The following BICD1 variants were observed in gnomAD, a reference collection of about 807,000 sequenced individuals.
BICD1 encodes the protein protein bicaudal D homolog 1.
BICD1 carries 35 observed loss-of-function variants against 92.5 expected under a neutral mutation model. The ratio of observed to expected loss-of-function variants is 0.38; its 90% CI spans 0.29 to 0.50. The LOEUF (loss-of-function observed/expected upper bound fraction) is 0.50. Ranked by LOEUF, BICD1 falls within the 20% of genes least tolerant of loss-of-function variation. BICD1 has a pLI of 0.93. For synonymous variants in BICD1, 429 were observed against 465.1 expected (o/e 0.92, Z 1.00); for missense variants, 950 against 1,189.8 (o/e 0.80, Z 2.97).
chr12:32,350,083 T>G (rs763276241), intron 8 of BICD1, among the ~76,000 whole-genome samples: 1 of 151,980 alleles, frequency 6.6e-6, no homozygotes, highest in Non-Finnish European at 1.5e-5. Flanking sequence ...TCTAAGGGAG[T>G]TGGGCAGGGG....
At chr12:32,128,572 A>C (rs1385384855) in intron 1 of BICD1, among the ~76,000 whole-genome samples, 1 of 151,480 alleles carries the variant, frequency 6.6e-6, no homozygotes, top group Admixed American at 6.6e-5. Flanking sequence ...ACATTATTTC[A>C]TTTTTAGTAT....
chr12:32,342,166 G>GTA (rs1423103796), intron 8 of BICD1, among the ~76,000 whole-genome samples: 11 of 123,954 alleles, frequency 8.9e-5, no homozygotes, highest in South Asian at 7.9e-4. Context: ...GTATATATAT[G>GTA]TATATATATA....
chr12:32,119,607 C>T (rs1488165962), intron 1 of BICD1, among the ~76,000 whole-genome samples: 2 of 152,204 alleles, frequency 1.3e-5, no homozygotes, highest in Non-Finnish European at 2.9e-5. Flanking sequence ...TGCAGTGGCT[C>T]ATGCCTGTAA....
chr12:32,233,154 G>A (rs935637765), intron 2 of BICD1, among the ~76,000 whole-genome samples: 9 of 151,720 alleles, frequency 5.9e-5, no homozygotes, highest in African/African-American at 1.5e-4. Context: ...AAACCCCATC[G>A]CTACTAAAAA....
chr12:32,282,324 G>C (rs1295449036), intron 2 of BICD1, among the ~76,000 whole-genome samples: 1 of 146,344 alleles, frequency 6.8e-6, no homozygotes, highest in Non-Finnish European at 1.5e-5. Context: ...GGACTCAAGT[G>C]ATCCTCCCAC....
chr12:32,247,440 C>T (rs1024808391), intron 2 of BICD1, among the ~76,000 whole-genome samples: 10 of 152,068 alleles, frequency 6.6e-5, no homozygotes, highest in African/African-American at 2.4e-4. Context: ...CAGCCTCAGA[C>T]ACTCTGGTGT....
rs548725356 is a variant in BICD1, at chr12:32,381,489, A to C, written c.*3862A>C. 6.6e-6 allele frequency: 1 copy of C among 152,288 alleles called. No homozygotes were observed. The highest frequency in any genetic ancestry group is 2.1e-4 in the South Asian group (1 of 4,830). 9.4% of individuals were successfully genotyped at this position (152,288 alleles called of 1,614,324 possible). On this transcript the variant is annotated 3_prime_UTR_variant, in exon 10 of 10. Transcript: ENST00000652176. ...AACAAGCATGAAACATTGGTCCAAT[A>C]ACCTAAGAATGTGGAGATTTCTTGA...
chr12:32,286,348 CT>C (rs1947566059), intron 2 of BICD1, among the ~76,000 whole-genome samples: 1 of 151,746 alleles, frequency 6.6e-6, no homozygotes, highest in African/African-American at 2.4e-5. Flanking sequence ...TTCCTGATAT[CT>C]TTTTTATACA....
At position 32,107,467 on chromosome 12, in the gene BICD1, C is replaced by G. The variant is rs1365363427; in HGVS notation, c.136C>G (p.Leu46Val). The part of the protein sequence containing the change: ...EYGLVVLEEK[L>V]TLKQQYDELE... ...CGGGCTGGTGGTGCTGGAGGAGAAGCTGACCCTCAAACAGCAGTATGATGA... is the reference window on the plus strand; with the variant it reads ...CGGGCTGGTGGTGCTGGAGGAGAAGGTGACCCTCAAACAGCAGTATGATGA... The change falls in exon 1 of 10, where the codon CTG (leucine) becomes GTG (valine). Residue 46 changes from leucine to valine, a missense_variant. This residue lies in a region of BICD1 where 202 missense variants were observed against 205.3 expected (regional missense o/e 0.98). Coordinates refer to ENST00000652176, the MANE Select transcript of BICD1 (RefSeq NM_001714.4). 6.2e-7 allele frequency: 1 copy of G among 1,610,690 alleles called. No individual in the cohort carries two copies. The highest frequency in any genetic ancestry group is 8.5e-7 in the Non-Finnish European group (1 of 1,178,770).
At position 32,349,984 on chromosome 12, in the gene BICD1, AGCCACCTAAACTCCTCTGAG is replaced by A. The variant is rs1490873626; in HGVS notation, c.2764+11008_2764+11027del. On this transcript the variant is annotated intron_variant, in intron 8 of 9. Coordinates refer to ENST00000652176, the MANE Select transcript of BICD1 (RefSeq NM_001714.4). ...ATTCTGGAATGTCCGTCAACATGAC[AGCCACCTAAACTCCTCTGAG>A]GCATTGTAAACGGTTAGGAAAATTG... is the stretch of plus-strand genomic sequence containing the variant. 4.6e-5 allele frequency among the ~76,000 whole-genome samples: 7 copies of A among 152,362 alleles called. No homozygotes were observed. The East Asian group carries it at 1.2e-3, about 25-fold the overall frequency.
intron 8 of BICD1, among the ~76,000 whole-genome samples, chr12:32,357,794 T>C (rs1592716559): frequency 1.3e-5 from 2 of 152,310 alleles, no homozygotes; most frequent in Middle Eastern, 3.4e-3. Context: ...CAGATTGGAT[T>C]AGGGCCAACT....
intron 1 of BICD1, among the ~76,000 whole-genome samples, chr12:32,117,849 C>G (rs1001401368): frequency 1.3e-5 from 2 of 149,598 alleles, no homozygotes; most frequent in South Asian, 2.1e-4. Flanking sequence ...CTCCCAGTTT[C>G]AAGCAATTCT....
intron 2 of BICD1, among the ~76,000 whole-genome samples, chr12:32,230,443 TAAGC>T (rs750246014): frequency 0.25 from 8,858 of 34,842 alleles, 308 homozygotes; most frequent in East Asian, 0.48. Context: ...AATAAATAAA[TAAGC>T]AAGCAAATAA....
intron 9 of BICD1, among the ~76,000 whole-genome samples, chr12:32,371,341 AC>A (rs1356984115): frequency 6.6e-6 from 1 of 151,930 alleles, no homozygotes; most frequent in African/African-American, 2.4e-5. Context: ...ATGATGACTG[AC>A]TCTTTTCCCA....
chr12:32,377,620 A>AC lies in BICD1; in HGVS notation c.2925dup (p.Ter976LeufsTer16), dbSNP rs1940025342. 1 of 1,612,358 alleles carries AC rather than the reference A, an allele frequency of 6.2e-7. No individual in the cohort carries two copies. The highest frequency in any genetic ancestry group is 1.3e-5 in the African/African-American group (1 of 74,656). ...CTCCACTGTCTCTCCAAGCCTCCTC[A>AC]CCCCTAGTCTTCATCTCCTGTGGAC... On this transcript the variant is annotated frameshift_variant, in exon 10 of 10. Coordinates refer to ENST00000652176, the MANE Select transcript of BICD1 (RefSeq NM_001714.4). LOFTEE classifies it high-confidence loss of function.
chr12:32,326,822 G>A (rs1354114000), intron 4 of BICD1, among the ~76,000 whole-genome samples: 1 of 152,192 alleles, frequency 6.6e-6, no homozygotes, highest in Non-Finnish European at 1.5e-5. Context: ...GGCAGAGCCT[G>A]CAGTAAGCCC....
intron 1 of BICD1, among the ~76,000 whole-genome samples, chr12:32,145,552 A>T (rs1295096256): frequency 6.6e-6 from 1 of 152,212 alleles, no homozygotes; most frequent in Non-Finnish European, 1.5e-5. Context: ...TAATTACAAT[A>T]TGTTACTATT....
At chr12:32,230,436 AAATAAATAAGC>A (rs1474881528) in intron 2 of BICD1, among the ~76,000 whole-genome samples, 1 of 38,732 alleles carries the variant, frequency 2.6e-5, no homozygotes, top group Non-Finnish European at 5.0e-5. Flanking sequence ...ATAAATAAAT[AAATAAATAAGC>A]AAGCAAATAA....
chr12:32,161,606 T>A (rs1010326900), intron 1 of BICD1, among the ~76,000 whole-genome samples: 2 of 152,202 alleles, frequency 1.3e-5, no homozygotes, highest in African/African-American at 4.8e-5. Flanking sequence ...ATTCTAGAAA[T>A]GCCTGATGGT....
Sources: allele counts gnomAD v4.1 joint callset (sites outside exome capture counted in the v4.1 genomes callset), GRCh38; gene constraint gnomAD v4.1.1; regional missense constraint gnomAD v4.1.1; transcripts MANE v1.5; gene names NCBI Gene and HGNC (gene_info 2026-07-23, HGNC 2026-07-21).